PAPSS1: variants seen among roughly 807,000 people sequenced by gnomAD.
PAPSS1 encodes the protein bifunctional 3'-phosphoadenosine 5'-phosphosulfate synthase 1.
Under a neutral mutation model 72.0 loss-of-function variants are expected in PAPSS1, and 50 were observed. That is an observed-to-expected ratio of 0.69 (90% CI 0.55 to 0.88). PAPSS1 has a LOEUF of 0.88. Among genes scored for constraint, PAPSS1 ranks in the 40% least tolerant of loss-of-function variants. The pLI is 0.00. For missense variants in PAPSS1, 657 were observed against 782.2 expected (o/e 0.84, Z 1.91); for synonymous variants, 261 against 263.6 (o/e 0.99, Z 0.09).
intron 1 of PAPSS1, among the ~76,000 whole-genome samples, chr4:107,707,438 C>T (rs1483778216): frequency 6.6e-6 from 1 of 152,154 alleles, no homozygotes; most frequent in Non-Finnish European, 1.5e-5. Flanking sequence ...CAGAATCCTG[C>T]TTAGTACCAG....
At chr4:107,717,611 CAT>C (rs1723671779) in intron 1 of PAPSS1, among the ~76,000 whole-genome samples, 1 of 152,186 alleles carries the variant, frequency 6.6e-6, no homozygotes, top group Non-Finnish European at 1.5e-5. Flanking sequence ...CACTGTCTCT[CAT>C]AATATTCACC....
chr4:107,621,606 A>ATATTTTTTTTTTT (rs1382723816), intron 11 of PAPSS1, among the ~76,000 whole-genome samples: 1 of 50,510 alleles, frequency 2.0e-5, no homozygotes, highest in Non-Finnish European at 4.3e-5. Flanking sequence ...CAGGTTTTTT[A>ATATTTTTTTTTTT]TCTTTTTTTT....
At position 107,626,824 on chromosome 4, in the gene PAPSS1, G is replaced by A. The variant is rs183261011; in HGVS notation, c.1736+4807C>T. 2.1e-3 allele frequency among the ~76,000 whole-genome samples: 315 copies of A among 152,016 alleles called. 3 individuals carry two copies. The highest frequency in any genetic ancestry group is 7.2e-3 in the African/African-American group (298 of 41,450). On this transcript the variant is annotated intron_variant, in intron 11 of 11. Coordinates refer to ENST00000265174, the MANE Select transcript of PAPSS1 (RefSeq NM_005443.5). ...CACAAAATTTTAATCACTTTCCAAC[G>A]TATTACCATCAACTTAATTATTTTT...
At chr4:107,643,941 T>C (rs755166898) in intron 10 of PAPSS1, among the ~76,000 whole-genome samples, 27 of 152,290 alleles carry the variant, frequency 1.8e-4, no homozygotes, top group Non-Finnish European at 3.7e-4. Flanking sequence ...GGACAGAATC[T>C]TGAAGAACAC....
chr4:107,663,056 G>A (rs1466009820), intron 5 of PAPSS1, among the ~76,000 whole-genome samples: 1 of 152,150 alleles, frequency 6.6e-6, no homozygotes, highest in Non-Finnish European at 1.5e-5. Context: ...CTATGCTAGG[G>A]GGAGAAAACA....
At chr4:107,690,695 C>T (rs923753853) in intron 3 of PAPSS1, among the ~76,000 whole-genome samples, 1 of 152,116 alleles carries the variant, frequency 6.6e-6, no homozygotes, top group African/African-American at 2.4e-5. Context: ...TCCTGTATTG[C>T]ATGTTTCAAT....
chr4:107,693,069 T>C (rs192395279), intron 3 of PAPSS1, among the ~76,000 whole-genome samples: 1 of 152,262 alleles, frequency 6.6e-6, no homozygotes, highest in African/African-American at 2.4e-5. Context: ...TGGGATGATC[T>C]GTGTAGCAAA....
chr4:107,655,168 G>A (rs1726968994), intron 7 of PAPSS1, among the ~76,000 whole-genome samples: 1 of 150,550 alleles, frequency 6.6e-6, no homozygotes, highest in South Asian at 2.1e-4. Context: ...CAACATTTTG[G>A]TATAGAATTA....
intron 2 of PAPSS1, chr4:107,694,277 T>G: frequency 2.6e-6 from 1 of 386,746 alleles, no homozygotes; most frequent in Non-Finnish European, 4.7e-6. Context: ...CCAGCTGGTC[T>G]CAAACTCCTG....
intron 11 of PAPSS1, among the ~76,000 whole-genome samples, chr4:107,614,716 T>C (rs1725775106): frequency 6.6e-6 from 1 of 152,192 alleles, no homozygotes; most frequent in East Asian, 1.9e-4. Flanking sequence ...TGCAAAATTA[T>C]AGCATATCAC....
chr4:107,654,905 A>G lies in PAPSS1; in HGVS notation c.896-5T>C. ...CTGACAAGTTAATGACACCTCCTGC[A>G]GAGCACAAAAGAACATGAAGCACAC... On this transcript the variant is annotated splice_region_variant and splice_polypyrimidine_tract_variant and intron_variant, in intron 7 of 11. Transcript: ENST00000265174. The G allele has an allele frequency of 6.2e-7, 1 of 1,608,388 alleles. No homozygotes were observed. Among genetic ancestry groups the G allele is most frequent in the African/African-American group, 1.3e-5 (1 of 74,840 alleles).
intron 5 of PAPSS1, among the ~76,000 whole-genome samples, chr4:107,663,452 G>A (rs1300462114): frequency 2.6e-5 from 4 of 152,144 alleles, no homozygotes; most frequent in Admixed American, 6.6e-5. Flanking sequence ...AGTACCTGAA[G>A]AGTGGAGGAT....
chr4:107,686,017 G>A (rs980171561), intron 4 of PAPSS1, among the ~76,000 whole-genome samples: 11 of 151,984 alleles, frequency 7.2e-5, no homozygotes, highest in African/African-American at 2.2e-4. Context: ...TTTTGTTTTT[G>A]CCAGCAAGTC....
chr4:107,647,076 G>A (rs1726715874), intron 9 of PAPSS1, among the ~76,000 whole-genome samples: 1 of 152,184 alleles, frequency 6.6e-6, no homozygotes, highest in Non-Finnish European at 1.5e-5. Context: ...CCAGGGACAG[G>A]ATGCAAATGC....
chr4:107,644,467 G>A (rs1208008746), intron 10 of PAPSS1, among the ~76,000 whole-genome samples: 6 of 152,184 alleles, frequency 3.9e-5, no homozygotes, highest in Non-Finnish European at 7.3e-5. Flanking sequence ...CAAGATCAGT[G>A]TTGTTGTTGT....
At chr4:107,623,848 T>C (rs1220056799) in intron 11 of PAPSS1, among the ~76,000 whole-genome samples, 1 of 152,244 alleles carries the variant, frequency 6.6e-6, no homozygotes, top group Non-Finnish European at 1.5e-5. Context: ...ATTCGCTTAC[T>C]GGTTTTGGCC....
chr4:107,663,891 C>T (rs901546023), intron 5 of PAPSS1, among the ~76,000 whole-genome samples: 3 of 152,158 alleles, frequency 2.0e-5, no homozygotes, highest in Non-Finnish European at 4.4e-5. Flanking sequence ...TTTTGTCACA[C>T]AAATTTTTCT....
chr4:107,621,608 CTTTTTTTTTTTTT>C (rs10670438), intron 11 of PAPSS1, among the ~76,000 whole-genome samples: 582 of 48,162 alleles, frequency 0.012, 19 homozygotes, highest in African/African-American at 0.041. Flanking sequence ...GGTTTTTTAT[CTTTTTTTTTTTTT>C]TTTTTTTTTT....
chr4:107,652,714 TG>T (rs1245278867), intron 9 of PAPSS1, among the ~76,000 whole-genome samples: 1 of 152,218 alleles, frequency 6.6e-6, no homozygotes, highest in Non-Finnish European at 1.5e-5. Flanking sequence ...ATTGATATAT[TG>T]GAAGTACACA....
Sources: allele counts gnomAD v4.1 joint callset (sites outside exome capture counted in the v4.1 genomes callset), GRCh38; gene constraint gnomAD v4.1.1; transcripts MANE v1.5; gene names NCBI Gene and HGNC (gene_info 2026-07-23, HGNC 2026-07-21).